The following INPP5D variants were observed in gnomAD, a reference collection of about 807,000 sequenced individuals.
The protein encoded by INPP5D is phosphatidylinositol 3,4,5-trisphosphate 5-phosphatase 1.
A neutral mutation model predicts 122.9 loss-of-function variants in INPP5D; 33 were observed. The observed-to-expected ratio is 0.27, with a 90% CI of 0.20 to 0.36. INPP5D has a LOEUF of 0.36. Ranked by LOEUF, INPP5D falls within the 10% of genes least tolerant of loss-of-function variation. The pLI, the probability that INPP5D is intolerant of heterozygous loss-of-function variation, is 1.00. For synonymous variants in INPP5D, 584 were observed against 576.2 expected (o/e 1.01, Z -0.19); for missense variants, 1,053 against 1,412.7 (o/e 0.75, Z 4.08).
intron 1 of INPP5D, among the ~76,000 whole-genome samples, chr2:233,070,851 A>G (rs535129458): frequency 2.0e-4 from 31 of 152,372 alleles, no homozygotes; most frequent in South Asian, 8.3e-4. Context: ...GAAAATATGT[A>G]TCATGTTTTT....
intron 26 of INPP5D, 77 bp downstream of exon 26, chr2:233,204,794 A>G (rs948499855): frequency 7.0e-6 from 10 of 1,436,096 alleles, no homozygotes; most frequent in Admixed American, 2.7e-5. Context: ...GTACCTATGC[A>G]TATGTGTGTG....
At chr2:233,085,198 C>A (rs1287086108) in intron 2 of INPP5D, among the ~76,000 whole-genome samples, 1 of 152,008 alleles carries the variant, frequency 6.6e-6, no homozygotes. Context: ...CTAGCCTGGG[C>A]AACATGGTGA....
At position 233,194,488 on chromosome 2, in the gene INPP5D, CTTTT is replaced by C. The variant is rs544200839; in HGVS notation, c.2596+551_2596+554del. 3.3e-4 allele frequency among the ~76,000 whole-genome samples: 29 copies of C among 88,732 alleles called. 1 individual carries two copies. The highest frequency in any genetic ancestry group is 1.0e-3 in the African/African-American group (21 of 20,854). 58.2% of individuals were successfully genotyped at this position (88,732 alleles called of 152,430 possible). A position where few individuals can be genotyped will look rare whatever the true frequency, so the allele number is the denominator to read the frequency against. ...CCAGGTTTCTGTACCTTCTAAACTG[CTTTT>C]TTTTTTTTTTTTTTTTTTTTTTTGG... is the stretch of plus-strand genomic sequence containing the variant. On this transcript the variant is annotated intron_variant, in intron 23 of 26. Coordinates refer to ENST00000445964, the MANE Select transcript of INPP5D (RefSeq NM_001017915.3).
At chr2:233,129,102 G>A (rs952719131) in intron 4 of INPP5D, among the ~76,000 whole-genome samples, 3 of 152,072 alleles carry the variant, frequency 2.0e-5, no homozygotes, top group Non-Finnish European at 2.9e-5. Context: ...GGGGTTGGAG[G>A]TTGCAGTGAG....
intron 2 of INPP5D, among the ~76,000 whole-genome samples, chr2:233,110,944 A>C (rs533802056): frequency 2.8e-4 from 43 of 151,786 alleles, no homozygotes; most frequent in South Asian, 6.2e-4. Context: ...AAACAACAAA[A>C]AAAAAAAACT....
intron 13 of INPP5D, among the ~76,000 whole-genome samples, chr2:233,167,455 A>C (rs1694373470): frequency 6.6e-6 from 1 of 152,230 alleles, no homozygotes. Flanking sequence ...GAGATGATCC[A>C]TAACTTGCCC....
chr2:233,155,265 G>A (rs1694019315), intron 9 of INPP5D, among the ~76,000 whole-genome samples: 1 of 152,112 alleles, frequency 6.6e-6, no homozygotes, highest in South Asian at 2.1e-4. Context: ...GAAAAGCTCC[G>A]AAAAGGCAAA....
chr2:233,062,872 G>A (rs778422964), intron 1 of INPP5D, among the ~76,000 whole-genome samples: 2 of 151,964 alleles, frequency 1.3e-5, no homozygotes, highest in African/African-American at 2.4e-5. Context: ...TGCCAATTAC[G>A]GAGATTTTAA....
At chr2:233,147,766 A>G (rs1037194114) in intron 9 of INPP5D, among the ~76,000 whole-genome samples, 172 bp downstream of exon 9, 1 of 152,104 alleles carries the variant, frequency 6.6e-6, no homozygotes, top group Non-Finnish European at 1.5e-5. Flanking sequence ...ACCAAGACCC[A>G]GTGTGATCCA....
intron 1 of INPP5D, among the ~76,000 whole-genome samples, chr2:233,069,470 C>G (rs1303727414): frequency 6.6e-6 from 1 of 152,224 alleles, no homozygotes; most frequent in Non-Finnish European, 1.5e-5. Context: ...GTATCTTCTT[C>G]TTCTCTCTAC....
At position 233,197,382 on chromosome 2, in the gene INPP5D, C is replaced by T. The variant is rs897996786; in HGVS notation, c.2694-713C>T. 6.6e-6 allele frequency among the ~76,000 whole-genome samples: 1 copy of T among 152,194 alleles called. No individual in the cohort carries two copies. Among genetic ancestry groups the T allele is most frequent in the Non-Finnish European group, 1.5e-5 (1 of 68,030 alleles). ...CATGGCTGTCTCTATGCTGACGCTG[C>T]ACACACAAATGTGTGAGCTGATGTG... On this transcript the variant is annotated intron_variant, in intron 24 of 26. Transcript: ENST00000445964. This position sits in a 1 kb window ranked among gnomAD's most constrained non-coding sequence, Gnocchi z 4.4.
intron 26 of INPP5D, 22 bp downstream of exon 26, chr2:233,204,739 T>C: frequency 6.8e-7 from 1 of 1,464,178 alleles, no homozygotes; most frequent in Non-Finnish European, 9.0e-7. Flanking sequence ...CACACGTGGG[T>C]TCGTGTGCAT....
At position 233,185,886 on chromosome 2, in the gene INPP5D, G is replaced by A. The variant is rs1454375485; in HGVS notation, c.2319G>A (p.Glu773=). The A allele has an allele frequency of 6.2e-7, 1 of 1,609,532 alleles. No individual in the cohort carries two copies. The highest frequency in any genetic ancestry group is 2.2e-5 in the East Asian group (1 of 44,718). The change falls in exon 21 of 27, where the codon GAG becomes GAA. Residue 773 remains glutamate, a synonymous_variant. Transcript: ENST00000445964. ...SQEGENEEGS[E]GELVVKFGET... ...AAGGAGAAAATGAAGAAGGAAGTGA[G>A]GGGGAGCTGGTGGTGAAGTTTGGTG...
chr2:233,142,382 A>G (rs1367366152), intron 6 of INPP5D, among the ~76,000 whole-genome samples: 3 of 152,162 alleles, frequency 2.0e-5, no homozygotes, highest in Non-Finnish European at 2.9e-5. Context: ...ATTCTGATTC[A>G]CCCTCCTGGA....
chr2:233,140,030 A>G (rs1693600088), intron 6 of INPP5D, 101 bp downstream of exon 6: 1 of 390,872 alleles, frequency 2.6e-6, no homozygotes, highest in Admixed American at 4.4e-5. Context: ...AGCACTGCCC[A>G]TTGTGTGTTC....
rs556869557 is a variant in INPP5D, at chr2:233,094,885, T to C, written c.198+15487T>C. On this transcript the variant is annotated intron_variant, in intron 2 of 26. Transcript: ENST00000445964. ...AATTGCCAATGTCTATCAACATCCG[T>C]AATGTCTGGGTGCAGTGAGGAATGT... Among the ~76,000 whole-genome samples, 3 of 152,318 alleles carry C rather than the reference T, an allele frequency of 2.0e-5. No homozygotes were observed. The South Asian group carries it at 6.2e-4, about 32-fold the overall frequency.
Position 233,075,451 on chromosome 2 carries a change from C to T in INPP5D, c.135-3884C>T, listed in dbSNP as rs562912095. On this transcript the variant is annotated intron_variant, in intron 1 of 26. Coordinates refer to ENST00000445964, the MANE Select transcript of INPP5D (RefSeq NM_001017915.3). ...AGGTTATGTTCCAGGGCAGCAATTG[C>T]CAAACACTATTTAGTTGTAGAATCT... Among the ~76,000 whole-genome samples the T allele has an allele frequency of 2.2e-4, 33 of 152,268 alleles. No homozygotes were observed. In the East Asian group the frequency reaches 6.0e-3, roughly 28 times the overall value.
rs945520835 is a variant in INPP5D at position 233,195,495 on chromosome 2, G to A, written c.2693G>A (p.Arg898Lys). 3 of 1,613,496 alleles carry A rather than the reference G, an allele frequency of 1.9e-6. No homozygotes were observed. The highest frequency in any genetic ancestry group is 1.7e-5 in the Admixed American group (1 of 59,990). ...ATGAAGCAGTGGGAAGTCACTAGCA[G>A]GTAAAGTGGGCGTGGGGTGGGTGTT... is the stretch of plus-strand genomic sequence containing the variant. ...DPMKQWEVTS[R>K]APPCSGSSIT... The change falls in exon 24 of 27, where the codon AGG becomes AAG. Residue 898 changes from arginine (R) to lysine (K), a missense_variant and splice_region_variant. Physicochemically the swap from Arg to Lys is conservative, Grantham distance 26. Around this residue, in one of 6 missense-constraint regions of INPP5D, gnomAD observed 417 missense variants for 425.8 expected, o/e 0.98. Coordinates refer to ENST00000445964, the MANE Select transcript of INPP5D (RefSeq NM_001017915.3).
chr2:233,122,080 G>A (rs777960524), intron 2 of INPP5D, 27 bp from the exon 3 acceptor site: 74 of 1,611,904 alleles, frequency 4.6e-5, no homozygotes, highest in Non-Finnish European at 5.9e-5. Flanking sequence ...GTTAACATGT[G>A]CGTTTGTTTG....
Sources: allele counts gnomAD v4.1 joint callset (sites outside exome capture counted in the v4.1 genomes callset), GRCh38; gene constraint gnomAD v4.1.1; regional missense constraint gnomAD v4.1.1; non-coding constraint Gnocchi (gnomAD v3.1); transcripts MANE v1.5; gene names NCBI Gene and HGNC (gene_info 2026-07-23, HGNC 2026-07-21).